SGPP2: variants seen among roughly 807,000 people sequenced by gnomAD.
SGPP2 encodes sphingosine-1-phosphate phosphatase 2, also known as sphingosine 1-phosphate phosphohydrolase 2.
SGPP2 carries 30 observed loss-of-function variants against 33.9 expected under a neutral mutation model. The observed-to-expected ratio is 0.89, with a 90% CI of 0.66 to 1.20. The LOEUF is 1.20. Among genes scored for constraint, SGPP2 ranks in the 50% most tolerant of loss-of-function variants. SGPP2 has a pLI of 0.00. For synonymous variants in SGPP2, 233 were observed against 225.0 expected (o/e 1.04, Z -0.32); for missense variants, 458 against 532.1 (o/e 0.86, Z 1.37).
Position 222,460,491 on chromosome 2 carries a change from A to G in SGPP2, c.220-14077A>G, listed in dbSNP as rs1697642200. On this transcript the variant is annotated intron_variant, in intron 1 of 4. Coordinates refer to ENST00000321276, the MANE Select transcript of SGPP2 (RefSeq NM_152386.4). This position sits in a 1 kb window ranked among gnomAD's most constrained non-coding sequence, Gnocchi z 4.3. ...TAAGATACATTTGAATCTGAAAAAC[A>G]ATGCAAAATTACTTAGAAAAGACAA... Among the ~76,000 whole-genome samples the G allele has an allele frequency of 6.6e-6, 1 of 152,222 alleles. No individual in the cohort carries two copies. Among genetic ancestry groups the G allele is most frequent in the South Asian group, 2.1e-4 (1 of 4,820 alleles).
At chr2:222,443,045 G>C (rs977750293) in intron 1 of SGPP2, among the ~76,000 whole-genome samples, 1 of 152,110 alleles carries the variant, frequency 6.6e-6, no homozygotes, top group Non-Finnish European at 1.5e-5. Flanking sequence ...ACCCACGCTT[G>C]AAAATGACAT....
At chr2:222,485,144 C>G (rs930907674) in intron 2 of SGPP2, among the ~76,000 whole-genome samples, 1 of 152,208 alleles carries the variant, frequency 6.6e-6, no homozygotes, top group Non-Finnish European at 1.5e-5. Flanking sequence ...TAAACCCCAT[C>G]CATTCTTTTC....
chr2:222,449,413 A>T (rs7603013), intron 1 of SGPP2, among the ~76,000 whole-genome samples: 116,402 of 151,546 alleles, frequency 0.77, 44,852 homozygotes, highest in Middle Eastern at 0.89. Flanking sequence ...ACAACTTTGA[A>T]GAACTTGGAG....
At chr2:222,467,534 T>C (rs1411706209) in intron 1 of SGPP2, among the ~76,000 whole-genome samples, 1 of 152,168 alleles carries the variant, frequency 6.6e-6, no homozygotes, top group Non-Finnish European at 1.5e-5. Flanking sequence ...CATAGGTAGC[T>C]TGAGTTCAAT....
intron 1 of SGPP2, among the ~76,000 whole-genome samples, chr2:222,453,387 G>A (rs79069387): frequency 0.057 from 8,697 of 152,246 alleles, 346 homozygotes; most frequent in Non-Finnish European, 0.085. Context: ...AGATCTTAGA[G>A]AAATATGACC....
chr2:222,525,505 T>C (rs533801026), intron 4 of SGPP2, among the ~76,000 whole-genome samples: 1 of 152,256 alleles, frequency 6.6e-6, no homozygotes, highest in African/African-American at 2.4e-5. Flanking sequence ...TTCCATACTG[T>C]TTTAGGCTGG....
chr2:222,532,952 A>T (rs1297715230), intron 4 of SGPP2, among the ~76,000 whole-genome samples: 1 of 152,192 alleles, frequency 6.6e-6, no homozygotes, highest in Non-Finnish European at 1.5e-5. Flanking sequence ...CTCACCATTC[A>T]AGGTAAAACA....
At chr2:222,533,625 T>C (rs1698870158) in intron 4 of SGPP2, among the ~76,000 whole-genome samples, 1 of 152,042 alleles carries the variant, frequency 6.6e-6, no homozygotes, top group African/African-American at 2.4e-5. Flanking sequence ...ATAACCATAG[T>C]ATAAGGAGGT....
intron 2 of SGPP2, among the ~76,000 whole-genome samples, chr2:222,481,359 T>C (rs934551912): frequency 6.6e-6 from 1 of 152,248 alleles, no homozygotes; most frequent in South Asian, 2.1e-4. Flanking sequence ...TTAACTTGTA[T>C]GAATTGTCAG....
intron 1 of SGPP2, chr2:222,452,843 C>G: frequency 6.2e-7 from 1 of 1,607,710 alleles, no homozygotes; most frequent in East Asian, 2.2e-5. Flanking sequence ...AGTTGTTTTT[C>G]TGCCACCTCT....
At position 222,560,857 on chromosome 2, in the gene SGPP2, C is replaced by T. The variant is rs1053331973; in HGVS notation, c.*1959C>T. On this transcript the variant is annotated 3_prime_UTR_variant, in exon 5 of 5. Coordinates refer to ENST00000321276, the MANE Select transcript of SGPP2 (RefSeq NM_152386.4). ...GTGCGGTGGCTCATGCCTGTAATCC[C>T]AGCACTTTGGGAGGCCGAGGTGGGC... 1.3e-5 allele frequency: 2 copies of T among 152,166 alleles called. No homozygotes were observed. The highest frequency in any genetic ancestry group is 6.5e-5 in the Admixed American group (1 of 15,280). 9.4% of individuals were successfully genotyped at this position (152,166 alleles called of 1,614,324 possible). A position where few individuals can be genotyped will look rare whatever the true frequency, so the allele number is the denominator to read the frequency against.
chr2:222,444,271 A>G (rs372148595), intron 1 of SGPP2, among the ~76,000 whole-genome samples: 3 of 152,322 alleles, frequency 2.0e-5, no homozygotes, highest in East Asian at 3.9e-4. Context: ...GCATTGCAGC[A>G]TAGGGAAGCA....
Position 222,474,573 on chromosome 2 carries a change from T to G in SGPP2, c.225T>G (p.Tyr75Ter), listed in dbSNP as rs1697899891. The change falls in exon 2 of 5, where the codon TAT becomes TAG. Residue 75 changes from tyrosine (Y) to a stop codon, truncating the protein, a stop_gained. Transcript: ENST00000321276. LOFTEE classifies it high-confidence loss of function. ...GLRRAAAPEAYVQKYVVKNYF... is the reference protein window; with the variant it reads ...GLRRAAAPEA The stretch of plus-strand genomic sequence containing the variant: ...TTCTAACTTTTGTCTTTTAGGCTTA[T>G]GTACAGAAGTACGTCGTGAAGAATT... 3 of 1,613,462 alleles carry G rather than the reference T, an allele frequency of 1.9e-6. No homozygotes were observed. The highest frequency in any genetic ancestry group is 2.5e-6 in the Non-Finnish European group (3 of 1,179,778).
intron 1 of SGPP2, among the ~76,000 whole-genome samples, chr2:222,438,867 T>C (rs909866419): frequency 6.6e-6 from 1 of 152,306 alleles, no homozygotes; most frequent in African/African-American, 2.4e-5. Context: ...TAGATGCAGC[T>C]CTAATGGCTT....
intron 1 of SGPP2, among the ~76,000 whole-genome samples, chr2:222,462,192 A>G (rs538746909): frequency 1.6e-4 from 25 of 152,182 alleles, no homozygotes; most frequent in Non-Finnish European, 2.5e-4. Flanking sequence ...ACTCAAGCAG[A>G]TGGTGGCGGG....
intron 2 of SGPP2, among the ~76,000 whole-genome samples, chr2:222,481,877 A>G (rs1273511591): frequency 2.0e-5 from 3 of 152,228 alleles, no homozygotes; most frequent in Non-Finnish European, 4.4e-5. Flanking sequence ...ATCAAAAGAC[A>G]TATTTCCCAC....
At chr2:222,457,490 A>G (rs1697590598) in intron 1 of SGPP2, among the ~76,000 whole-genome samples, 1 of 152,246 alleles carries the variant, frequency 6.6e-6, no homozygotes, top group Admixed American at 6.5e-5. Context: ...CTTTTAAGGT[A>G]AACACAAATG....
chr2:222,435,024 G>A (rs56043732), intron 1 of SGPP2, among the ~76,000 whole-genome samples: 52 of 18,650 alleles, frequency 2.8e-3, no homozygotes, highest in African/African-American at 7.4e-3. Flanking sequence ...ATGTGTATAT[G>A]TGTGTATATA....
intron 4 of SGPP2, among the ~76,000 whole-genome samples, chr2:222,527,843 T>A (rs1039286333): frequency 1.3e-5 from 2 of 152,132 alleles, no homozygotes; most frequent in African/African-American, 4.8e-5. Context: ...TAGGATAAGG[T>A]AGAATTATGG....
Sources: gnomAD v4.1 joint callset for allele counts (sites outside exome capture counted in the v4.1 genomes callset) on GRCh38, gnomAD v4.1.1 for gene constraint, Gnocchi (gnomAD v3.1) non-coding constraint, MANE v1.5 for transcripts, NCBI Gene and HGNC (gene_info 2026-07-23, HGNC 2026-07-21) for gene names.